The following SLC43A1 variants were observed in gnomAD, a reference collection of about 807,000 sequenced individuals.
The protein encoded by SLC43A1 is solute carrier family 43 member 1.
Under a neutral mutation model 59.5 loss-of-function variants are expected in SLC43A1, and 31 were observed. The observed-to-expected ratio is 0.52, with a 90% CI of 0.39 to 0.70. SLC43A1 has a LOEUF of 0.70. Ranked by LOEUF, SLC43A1 falls within the 30% of genes least tolerant of loss-of-function variation. The probability of loss-of-function intolerance (pLI) is 0.00; values close to 1 mark genes in which losing one functional copy is unlikely to be tolerated. For missense variants in SLC43A1, 598 were observed against 717.8 expected (o/e 0.83, Z 1.91); for synonymous variants, 259 against 290.9 (o/e 0.89, Z 1.12).
At chr11:57,492,540 A>G (rs1273774134) in intron 8 of SLC43A1, among the ~76,000 whole-genome samples, 10 of 6,680 alleles carry the variant, frequency 1.5e-3, no homozygotes, top group South Asian at 6.7e-3. Context: ...TTTTGTGTAT[A>G]TATATATATA....
rs566274411 is a variant in SLC43A1 at position 57,497,183 on chromosome 11, T to C, written c.558+570A>G. Among the ~76,000 whole-genome samples, 25 of 122,106 alleles carry C rather than the reference T, an allele frequency of 2.0e-4. No homozygotes were observed. In the South Asian group the frequency reaches 4.1e-3, roughly 20 times the overall value. 80.1% of individuals were successfully genotyped at this position (122,106 alleles called of 152,430 possible). A position where few individuals can be genotyped will look rare whatever the true frequency, so the allele number is the denominator to read the frequency against. On this transcript the variant is annotated intron_variant, in intron 6 of 14. Transcript: ENST00000278426. ...AGTTTGGTACTGCCCACCGTGGAGG[T>C]TGAGGAGCATGGCATGGCTCAGTCA...
intron 12 of SLC43A1, 73 bp from the exon 13 acceptor site, chr11:57,489,062 G>C: frequency 1.4e-5 from 21 of 1,495,632 alleles, no homozygotes; most frequent in Non-Finnish European, 1.9e-5. Flanking sequence ...GTAGGGCGAA[G>C]AGGCCAACTG....
chr11:57,501,475 G>A (rs538770572), intron 2 of SLC43A1, 146 bp from the exon 3 acceptor site: 2 of 741,592 alleles, frequency 2.7e-6, no homozygotes, highest in East Asian at 2.7e-5. Flanking sequence ...CTCTGATGGG[G>A]CTGCTCCAGA....
chr11:57,492,240 C>A (rs1943928426), intron 8 of SLC43A1, among the ~76,000 whole-genome samples: 1 of 131,736 alleles, frequency 7.6e-6, no homozygotes, highest in African/African-American at 2.9e-5. Context: ...TATTTATATA[C>A]AGAAATTATA....
At chr11:57,496,278 G>T in intron 6 of SLC43A1, 114 bp from the exon 7 acceptor site, 1 of 1,225,946 alleles carries the variant, frequency 8.2e-7, no homozygotes, top group Non-Finnish European at 1.1e-6. Flanking sequence ...TTGTCCTTGT[G>T]CCCAATTTGC....
At chr11:57,494,229 G>C in intron 7 of SLC43A1, 58 bp from the exon 8 acceptor site, 2 of 1,537,666 alleles carry the variant, frequency 1.3e-6, no homozygotes, top group Non-Finnish European at 8.8e-7. Context: ...CACCTTCAAC[G>C]GCCTAGTGCT....
At chr11:57,504,969 C>G (rs1944359278) in intron 2 of SLC43A1, among the ~76,000 whole-genome samples, 1 of 152,316 alleles carries the variant, frequency 6.6e-6, no homozygotes, top group Admixed American at 6.5e-5. Flanking sequence ...ATGCCAAGAC[C>G]TCTTAGAGCT....
At position 57,515,236 on chromosome 11, in the gene SLC43A1, G is replaced by A. The variant is rs527722445; in HGVS notation, c.-14+208C>T. On this transcript the variant is annotated intron_variant, in intron 1 of 14. Transcript: ENST00000278426. The surrounding 1 kb of genome is among the most constrained non-coding windows in gnomAD (Gnocchi z 5.3). ...GGAAGTGCAGCGAGCGGGGACCCGG[G>A]AGGAAGAGAAGAGTCGGAGGGGTCA... is the stretch of plus-strand genomic sequence containing the variant. 5.6e-6 allele frequency: 1 copy of A among 179,250 alleles called. No individual in the cohort carries two copies. Among genetic ancestry groups the A allele is most frequent in the East Asian group, 1.9e-4 (1 of 5,274 alleles). 11.1% of individuals were successfully genotyped at this position (179,250 alleles called of 1,614,324 possible).
At chr11:57,499,211 C>T (rs1477239119) in intron 5 of SLC43A1, among the ~76,000 whole-genome samples, 2 of 151,994 alleles carry the variant, frequency 1.3e-5, no homozygotes. Context: ...GTAGTCCCAG[C>T]TACTCGGGAG....
At chr11:57,493,482 A>G (rs1192043879) in intron 8 of SLC43A1, among the ~76,000 whole-genome samples, 1 of 152,120 alleles carries the variant, frequency 6.6e-6, no homozygotes, top group African/African-American at 2.4e-5. Context: ...CAGGACTCAA[A>G]CTCCTCAACT....
Position 57,501,032 on chromosome 11 carries a change from G to A in SLC43A1, c.344C>T (p.Thr115Ile). The change falls in exon 4 of 15, where the codon ACT becomes ATT. Residue 115 changes from threonine to isoleucine, a missense_variant. Thr to Ile is a moderately conservative substitution (Grantham distance 89). Coordinates refer to ENST00000278426, the MANE Select transcript of SLC43A1 (RefSeq NM_003627.6). ...CAGGGCCATGAGGGTGCAGGACGCA[G>A]TGAAGCAGGCACTGTGGAGACACAG... Reference protein sequence around the residue: ...PVRLVGSACFTASCTLMALAS... With the variant: ...PVRLVGSACFIASCTLMALAS... The A allele has an allele frequency of 6.2e-7, 1 of 1,603,324 alleles. No individual in the cohort carries two copies. Among genetic ancestry groups the A allele is most frequent in the Non-Finnish European group, 8.5e-7 (1 of 1,174,794 alleles).
chr11:57,500,197 A>T (rs1291934214), intron 5 of SLC43A1, among the ~76,000 whole-genome samples: 1 of 152,194 alleles, frequency 6.6e-6, no homozygotes, highest in Non-Finnish European at 1.5e-5. Context: ...CATGTGCACG[A>T]CGAGGTGTCG....
At chr11:57,491,006 G>A (rs1943880675) in intron 11 of SLC43A1, among the ~76,000 whole-genome samples, 2 of 152,200 alleles carry the variant, frequency 1.3e-5, no homozygotes, top group African/African-American at 4.8e-5. Context: ...AAGGCAAGGT[G>A]CCAAGTGCAC....
intron 6 of SLC43A1, 82 bp downstream of exon 6, chr11:57,497,671 G>A (rs764460371): frequency 9.0e-5 from 90 of 997,856 alleles, no homozygotes; most frequent in South Asian, 2.0e-4. Context: ...AGTCAGACCC[G>A]TGGGTCAGCA....
chr11:57,514,255 G>C lies in SLC43A1; in HGVS notation c.-13-131C>G. ...CCTCATGGAGGCCCCATAGAGCCCTGGGCTTCCCAGCCGGTGCCAAGGAGC... is the reference window on the plus strand; with the variant it reads ...CCTCATGGAGGCCCCATAGAGCCCTCGGCTTCCCAGCCGGTGCCAAGGAGC... On this transcript the variant is annotated intron_variant, in intron 1 of 14. Coordinates refer to ENST00000278426, the MANE Select transcript of SLC43A1 (RefSeq NM_003627.6). The surrounding 1 kb of genome is among the most constrained non-coding windows in gnomAD (Gnocchi z 5.5). 8.9e-7 allele frequency: 1 copy of C among 1,129,038 alleles called. No homozygotes were observed. The highest frequency in any genetic ancestry group is 3.1e-4 in the Middle Eastern group (1 of 3,278). The allele number at this position is 1,129,038 out of a possible 1,614,324, so 69.9% of individuals were successfully genotyped here.
At chr11:57,489,465 C>G (rs1432465630) in intron 11 of SLC43A1, 73 bp from the exon 12 acceptor site, 2 of 1,564,556 alleles carry the variant, frequency 1.3e-6, no homozygotes, top group Non-Finnish European at 1.7e-6. Flanking sequence ...CCTGGCCCCT[C>G]CCCCTTCAGA....
Position 57,514,658 on chromosome 11 carries a change from C to T in SLC43A1, c.-13-534G>A, listed in dbSNP as rs373559739. The T allele has an allele frequency of 1.4e-5, 3 of 214,210 alleles. No homozygotes were observed. Among genetic ancestry groups the T allele is most frequent in the African/African-American group, 7.0e-5 (3 of 42,558 alleles). 13.3% of individuals were successfully genotyped at this position (214,210 alleles called of 1,614,324 possible). A position where few individuals can be genotyped will look rare whatever the true frequency, so the allele number is the denominator to read the frequency against. On this transcript the variant is annotated intron_variant, in intron 1 of 14. Coordinates refer to ENST00000278426, the MANE Select transcript of SLC43A1 (RefSeq NM_003627.6). This position sits in a 1 kb window ranked among gnomAD's most constrained non-coding sequence, Gnocchi z 5.5. The stretch of plus-strand genomic sequence containing the variant: ...GGCCGGGCGACAGCAAGCCCTCCCC[C>T]TTTCCGTATCAGGTGACCCACGACC...
chr11:57,513,437 G>C (rs544981343), intron 2 of SLC43A1, among the ~76,000 whole-genome samples: 22 of 152,312 alleles, frequency 1.4e-4, no homozygotes, highest in African/African-American at 4.1e-4. Flanking sequence ...TCCCAGCTTC[G>C]GGGCCACTCA....
chr11:57,499,317 C>A (rs1320081809), intron 5 of SLC43A1, among the ~76,000 whole-genome samples: 58 of 117,418 alleles, frequency 4.9e-4, no homozygotes, highest in Non-Finnish European at 9.3e-4. Flanking sequence ...CTGCGAGACT[C>A]CGTCTCAACA....
Sources: allele counts gnomAD v4.1 joint callset (sites outside exome capture counted in the v4.1 genomes callset), GRCh38; gene constraint gnomAD v4.1.1; non-coding constraint Gnocchi (gnomAD v3.1); transcripts MANE v1.5; gene names NCBI Gene and HGNC (gene_info 2026-07-23, HGNC 2026-07-21).